The following FGD5 variants were observed in gnomAD, a reference collection of about 807,000 sequenced individuals.
FGD5 encodes the protein FYVE, RhoGEF and PH domain containing 5.
Under a neutral mutation model 133.4 loss-of-function variants are expected in FGD5, and 28 were observed. The ratio of observed to expected loss-of-function variants is 0.21; its 90% CI spans 0.16 to 0.29. The LOEUF is 0.29. FGD5 is among the 10% of genes least tolerant of loss of function. The pLI, the probability that FGD5 is intolerant of heterozygous loss-of-function variation, is 1.00. For synonymous variants in FGD5, 810 were observed against 776.5 expected, an observed-to-expected ratio of 1.04 and a Z score of -0.72; for missense variants, 1,858 against 1,895.2, an observed-to-expected ratio of 0.98 and a Z score of 0.36.
At chr3:14,849,787 G>A (rs1189750282) in intron 1 of FGD5, among the ~76,000 whole-genome samples, 1 of 152,144 alleles carries the variant, frequency 6.6e-6, no homozygotes, top group African/African-American at 2.4e-5. Context: ...TAAAATGGGA[G>A]TGTTAATGTC....
At chr3:14,919,226 G>T (rs1027521787) in intron 13 of FGD5, among the ~76,000 whole-genome samples, 1 of 152,090 alleles carries the variant, frequency 6.6e-6, no homozygotes, top group Middle Eastern at 3.2e-3. Context: ...GCCTTTTTGC[G>T]TTCCTGTCTA....
At chr3:14,844,618 TGTCA>T (rs2037010325) in intron 1 of FGD5, among the ~76,000 whole-genome samples, 1 of 152,062 alleles carries the variant, frequency 6.6e-6, no homozygotes, top group South Asian at 2.1e-4. Flanking sequence ...ATATCTTGCC[TGTCA>T]GTCAGCTTTG....
chr3:14,855,795 G>A (rs887733410), intron 1 of FGD5, among the ~76,000 whole-genome samples: 2 of 152,046 alleles, frequency 1.3e-5, no homozygotes, highest in African/African-American at 2.4e-5. Flanking sequence ...CGGATGAGTA[G>A]TTTGCAGATA....
chr3:14,832,993 G>C (rs142110407), intron 1 of FGD5, among the ~76,000 whole-genome samples: 318 of 152,274 alleles, frequency 2.1e-3, no homozygotes, highest in African/African-American at 7.0e-3. Flanking sequence ...TTTATTATCC[G>C]TGCTTATAAT....
At chr3:14,897,434 C>T in intron 4 of FGD5, 75 bp from the exon 5 acceptor site, 1 of 1,532,460 alleles carries the variant, frequency 6.5e-7, no homozygotes, top group Non-Finnish European at 8.8e-7. Flanking sequence ...CTCCAAAGCC[C>T]CAGGGGAAAT....
intron 1 of FGD5, among the ~76,000 whole-genome samples, chr3:14,826,603 A>G (rs2036604004): frequency 6.6e-6 from 1 of 152,226 alleles, no homozygotes; most frequent in South Asian, 2.1e-4. Flanking sequence ...TACAGGAGTT[A>G]ATACGGTACA....
chr3:14,810,993 C>A, intron 1 of FGD5: 2 of 796,388 alleles, frequency 2.5e-6, no homozygotes, highest in African/African-American at 3.7e-5. Flanking sequence ...CAGTGCCGCT[C>A]GGCCTCGGCC....
chr3:14,912,079 C>T (rs1223376686), intron 11 of FGD5, among the ~76,000 whole-genome samples: 1 of 152,094 alleles, frequency 6.6e-6, no homozygotes, highest in Non-Finnish European at 1.5e-5. Context: ...AAGTCTTTGT[C>T]TGCAGCCAGA....
At chr3:14,910,560 A>C (rs2038428555) in intron 10 of FGD5, among the ~76,000 whole-genome samples, 1 of 152,162 alleles carries the variant, frequency 6.6e-6, no homozygotes, top group Admixed American at 6.5e-5. Flanking sequence ...TTTAATGTTA[A>C]GGATTTTAGA....
At chr3:14,897,324 G>A in intron 4 of FGD5, 185 bp from the exon 5 acceptor site, 1 of 663,310 alleles carries the variant, frequency 1.5e-6, no homozygotes, top group Middle Eastern at 4.0e-4. Context: ...GCAGCCCTAT[G>A]GTCGCCAGGT....
At chr3:14,810,992 T>C in intron 1 of FGD5, 1 of 791,226 alleles carries the variant, frequency 1.3e-6, no homozygotes, top group Non-Finnish European at 1.5e-6. Flanking sequence ...CCAGTGCCGC[T>C]CGGCCTCGGC....
intron 4 of FGD5, among the ~76,000 whole-genome samples, chr3:14,881,779 C>T (rs1575229050): frequency 6.6e-6 from 1 of 152,210 alleles, no homozygotes; most frequent in African/African-American, 2.4e-5. Flanking sequence ...TGGCCCAAGT[C>T]ACACAGTGGT....
chr3:14,828,820 CTTTTTTTT>C (rs59960841), intron 1 of FGD5, among the ~76,000 whole-genome samples: 1 of 124,106 alleles, frequency 8.1e-6, no homozygotes, highest in Non-Finnish European at 1.7e-5. Context: ...AGGTGGGTCT[CTTTTTTTT>C]TTTTTTTTTT....
intron 1 of FGD5, among the ~76,000 whole-genome samples, chr3:14,861,876 G>A (rs2037404305): frequency 1.3e-5 from 2 of 152,164 alleles, no homozygotes. Context: ...TTAAGCCAGG[G>A]GACAGCATGA....
chr3:14,849,156 T>C (rs1270511446), intron 1 of FGD5, among the ~76,000 whole-genome samples: 1 of 152,208 alleles, frequency 6.6e-6, no homozygotes, highest in Non-Finnish European at 1.5e-5. Context: ...TCCGTCTCTG[T>C]CTGGCCCTGT....
At chr3:14,847,801 C>T (rs531614263) in intron 1 of FGD5, among the ~76,000 whole-genome samples, 7 of 152,312 alleles carry the variant, frequency 4.6e-5, no homozygotes, top group Admixed American at 3.9e-4. Context: ...GCAGATGAGG[C>T]GCTGAGGTGT....
chr3:14,868,178 G>A (rs954682474), intron 2 of FGD5, among the ~76,000 whole-genome samples: 20 of 151,712 alleles, frequency 1.3e-4, no homozygotes, highest in African/African-American at 2.9e-4. Context: ...CTGACGTGTC[G>A]GCCCTCCCTG....
Position 14,839,608 on chromosome 3 carries a change from T to G in FGD5, c.2525+18012T>G, listed in dbSNP as rs192903401. ...CTAGGACAGTCCAGAGGGAGAGAAA[T>G]TTGGCAGTCCATTTTGGTTCAAAAC... On this transcript the variant is annotated intron_variant, in intron 1 of 19. Transcript: ENST00000285046. 6.2e-4 allele frequency among the ~76,000 whole-genome samples: 94 copies of G among 152,120 alleles called. No individual in the cohort carries two copies. The East Asian group carries it at 0.014, about 22-fold the overall frequency.
chr3:14,813,386 A>G (rs1341944201), intron 1 of FGD5, among the ~76,000 whole-genome samples: 1 of 152,200 alleles, frequency 6.6e-6, no homozygotes, highest in African/African-American at 2.4e-5. Context: ...GGACCAGCCT[A>G]ACAGCAGCCT....
Sources: gnomAD v4.1 joint callset for allele counts (sites outside exome capture counted in the v4.1 genomes callset) on GRCh38, gnomAD v4.1.1 for gene constraint, MANE v1.5 for transcripts, NCBI Gene and HGNC (gene_info 2026-07-23, HGNC 2026-07-21) for gene names.